Variants in FLT1 observed in about 807,000 individuals in gnomAD.
The protein encoded by FLT1 is vascular endothelial growth factor receptor 1.
A neutral mutation model predicts 156.3 loss-of-function variants in FLT1; 49 were observed. The ratio of observed to expected loss-of-function variants is 0.31; its 90% CI spans 0.25 to 0.40. The LOEUF is 0.40. Among genes scored for constraint, FLT1 ranks in the 10% least tolerant of loss-of-function variants. The pLI, the probability that FLT1 is intolerant of heterozygous loss-of-function variation, is 1.00. For synonymous variants in FLT1, 594 were observed against 583.8 expected, an observed-to-expected ratio of 1.02 and a Z score of -0.25; for missense variants, 1,322 against 1,637.2, an observed-to-expected ratio of 0.81 and a Z score of 3.32.
chr13:28,304,546 T>C (rs1289824901), intron 29 of FLT1, among the ~76,000 whole-genome samples: 2 of 152,170 alleles, frequency 1.3e-5, no homozygotes, highest in African/African-American at 2.4e-5. Flanking sequence ...GGAGATATAA[T>C]TTACATAGTG....
At chr13:28,394,480 T>C (rs1198530658) in intron 12 of FLT1, among the ~76,000 whole-genome samples, 1 of 152,132 alleles carries the variant, frequency 6.6e-6, no homozygotes, top group Non-Finnish European at 1.5e-5. Flanking sequence ...CTTTATCAAC[T>C]TGGGCCCTTT....
chr13:28,400,920 T>C (rs1875391184), intron 11 of FLT1, among the ~76,000 whole-genome samples: 1 of 152,130 alleles, frequency 6.6e-6, no homozygotes, highest in Non-Finnish European at 1.5e-5. Flanking sequence ...AAAGCAGAAG[T>C]GCTGAAATAA....
intron 11 of FLT1, 105 bp downstream of exon 11, chr13:28,405,675 T>C (rs1875742442): frequency 4.0e-6 from 3 of 748,378 alleles, no homozygotes; most frequent in Admixed American, 3.8e-5. Flanking sequence ...CTCTGAATTT[T>C]TGTTTGAACA....
At chr13:28,478,982 A>G (rs990197081) in intron 1 of FLT1, among the ~76,000 whole-genome samples, 3 of 152,370 alleles carry the variant, frequency 2.0e-5, no homozygotes. Flanking sequence ...GGAAGGCCGA[A>G]TGTGATAAAG....
At chr13:28,364,562 T>C (rs558424600) in intron 14 of FLT1, among the ~76,000 whole-genome samples, 1 of 152,350 alleles carries the variant, frequency 6.6e-6, no homozygotes, top group East Asian at 1.9e-4. Flanking sequence ...TTTTCTTATT[T>C]AGGTTTTTAA....
intron 8 of FLT1, among the ~76,000 whole-genome samples, chr13:28,428,284 A>G (rs1245264136): frequency 6.6e-6 from 1 of 152,164 alleles, no homozygotes; most frequent in African/African-American, 2.4e-5. Flanking sequence ...CATCAGCAGT[A>G]TAAGGGCCAT....
chr13:28,367,992 C>G (rs1026225755), intron 14 of FLT1: 1 of 197,078 alleles, frequency 5.1e-6, no homozygotes, highest in Non-Finnish European at 9.2e-6. Flanking sequence ...TATGAACTGA[C>G]TTTGTACCTA....
intron 4 of FLT1, among the ~76,000 whole-genome samples, chr13:28,437,335 G>T (rs1297605740): frequency 6.6e-6 from 1 of 152,162 alleles, no homozygotes; most frequent in Non-Finnish European, 1.5e-5. Context: ...CAGGACTCAG[G>T]GTTGATGGGT....
intron 6 of FLT1, 101 bp downstream of exon 6, chr13:28,433,718 G>A: frequency 9.1e-7 from 1 of 1,098,898 alleles, no homozygotes; most frequent in Non-Finnish European, 1.4e-6. Context: ...CACTGCCACA[G>A]GAGTCAGGAT....
intron 17 of FLT1, 109 bp downstream of exon 17, chr13:28,339,059 G>A (rs1872226574): frequency 3.1e-6 from 3 of 970,044 alleles, no homozygotes; most frequent in East Asian, 5.1e-5. Context: ...TGAGCAGCTG[G>A]AGGGTAGAAT....
intron 14 of FLT1, among the ~76,000 whole-genome samples, chr13:28,357,936 C>A (rs1872963994): frequency 7.4e-6 from 1 of 135,088 alleles, no homozygotes; most frequent in Non-Finnish European, 1.5e-5. Flanking sequence ...GAGCTGTGAT[C>A]CCCAGCTTCG....
intron 11 of FLT1, among the ~76,000 whole-genome samples, chr13:28,400,149 G>A (rs959149646): frequency 6.6e-6 from 1 of 152,068 alleles, no homozygotes; most frequent in African/African-American, 2.4e-5. Context: ...CAGATCTATT[G>A]GCAAAATTCT....
chr13:28,418,697 G>A (rs1425273057), intron 10 of FLT1, among the ~76,000 whole-genome samples: 1 of 152,088 alleles, frequency 6.6e-6, no homozygotes, highest in Admixed American at 6.5e-5. Context: ...CTGAGTAGCT[G>A]GAACCATAGG....
chr13:28,311,025 A>G (rs748185967), intron 27 of FLT1, among the ~76,000 whole-genome samples: 3 of 152,212 alleles, frequency 2.0e-5, no homozygotes, highest in Non-Finnish European at 4.4e-5. Context: ...TCACATAATC[A>G]TAGCCCACTG....
chr13:28,407,268 A>G lies in FLT1; in HGVS notation c.1437-1374T>C, dbSNP rs151275360. Among the ~76,000 whole-genome samples the G allele has an allele frequency of 1.2e-4, 18 of 152,272 alleles. 1 individual carries two copies. The East Asian group carries it at 3.5e-3, about 29-fold the overall frequency. ...TTTCTTTAATTGTTTATTATTATCA[A>G]ACACACCGATAAGTAGAGAGAATAG... On this transcript the variant is annotated intron_variant, in intron 10 of 29. Transcript: ENST00000282397.
intron 10 of FLT1, among the ~76,000 whole-genome samples, chr13:28,417,499 T>C (rs536889858): frequency 3.3e-5 from 5 of 152,180 alleles, no homozygotes; most frequent in Non-Finnish European, 5.9e-5. Context: ...GGAGACTCAA[T>C]ACAGTGTTAT....
At position 28,322,593 on chromosome 13, in the gene FLT1, G is replaced by C. The variant is rs1871508644; in HGVS notation, c.2953+197C>G. The C allele has an allele frequency of 9.6e-6, 7 of 729,000 alleles. No homozygotes were observed. Among genetic ancestry groups the C allele is most frequent in the Admixed American group, 6.1e-5 (3 of 49,006 alleles). The allele number at this position is 729,000 out of a possible 1,614,324, so 45.2% of individuals were successfully genotyped here. On this transcript the variant is annotated intron_variant, in intron 21 of 29. Coordinates refer to ENST00000282397, the MANE Select transcript of FLT1 (RefSeq NM_002019.4). The surrounding 1 kb of genome is among the most constrained non-coding windows in gnomAD (Gnocchi z 4.3). ...CCATTAAGATGAAAATCCCTGAGGG[G>C]AGAAAACGGTACAGTTCCCTGTCAA...
intron 11 of FLT1, chr13:28,398,988 C>T (rs1390017801): frequency 2.0e-5 from 23 of 1,124,832 alleles, no homozygotes; most frequent in Non-Finnish European, 2.4e-5. Context: ...AGAGGTGGGA[C>T]ATAAAAAATT....
intron 14 of FLT1, among the ~76,000 whole-genome samples, chr13:28,382,957 C>T (rs1874139233): frequency 6.6e-6 from 1 of 152,074 alleles, no homozygotes; most frequent in Admixed American, 6.5e-5. Flanking sequence ...ATGGAGGTTT[C>T]ATTTTGTGTA....
Sources: gnomAD v4.1 joint callset for allele counts (sites outside exome capture counted in the v4.1 genomes callset) on GRCh38, gnomAD v4.1.1 for gene constraint, Gnocchi (gnomAD v3.1) non-coding constraint, MANE v1.5 for transcripts, NCBI Gene and HGNC (gene_info 2026-07-23, HGNC 2026-07-21) for gene names.